WDR81: variants seen among roughly 807,000 people sequenced by gnomAD.
WDR81 encodes WD repeat domain 81.
WDR81 carries 92 observed loss-of-function variants against 140.8 expected under a neutral mutation model. The observed-to-expected ratio is 0.65, with a 90% CI of 0.55 to 0.78. WDR81 has a LOEUF of 0.78. Ranked by LOEUF, WDR81 falls within the 30% of genes least tolerant of loss-of-function variation. The probability of loss-of-function intolerance (pLI) is 0.00; values close to 1 mark genes in which losing one functional copy is unlikely to be tolerated. For synonymous variants in WDR81, 1,183 were observed against 1,156.4 expected, an observed-to-expected ratio of 1.02 and a Z score of -0.47; for missense variants, 2,502 against 2,636.4, an observed-to-expected ratio of 0.95 and a Z score of 1.12.
chr17:1,732,137 T>C (rs1253168105), intron 4 of WDR81, among the ~76,000 whole-genome samples, 188 bp from the exon 5 acceptor site: 1 of 152,086 alleles, frequency 6.6e-6, no homozygotes, highest in African/African-American at 2.4e-5. Context: ...CTCGGGAGAC[T>C]GAGGCAGGAG....
chr17:1,725,596 C>G lies in WDR81; in HGVS notation c.637C>G (p.Pro213Ala). Residue 213 changes from proline (P) to alanine (A), a missense_variant, in exon 1 of 10, where the codon CCT becomes GCT. Around this residue, in one of 3 missense-constraint regions of WDR81, gnomAD observed 547 missense variants for 513.8 expected, o/e 1.06. Transcript: ENST00000409644. ...REGPCPPRGS[P>A]ACPSLLRAEA... ...AGGCCCCTGCCCCCCTCGGGGCAGC[C>G]CTGCTTGCCCTAGTCTTTTACGGGC... 1 of 1,545,288 alleles carries G rather than the reference C, an allele frequency of 6.5e-7. No homozygotes were observed. The highest frequency in any genetic ancestry group is 8.7e-7 in the Non-Finnish European group (1 of 1,146,950).
Position 1,726,783 on chromosome 17 carries a change from G to T in WDR81, c.1824G>T (p.Leu608=), listed in dbSNP as rs1301505566. Residue 608 remains leucine, a synonymous_variant, in exon 1 of 10, where the codon CTG becomes CTT. Coordinates refer to ENST00000409644, the MANE Select transcript of WDR81 (RefSeq NM_001163809.2). ...LAPEPPLIPK[L]LVQTIQETTG... ...CCGAGCCTCCCCTCATCCCCAAGCT[G>T]TTGGTCCAGACCATCCAGGAGACCA... 1 of 1,548,768 alleles carries T rather than the reference G, an allele frequency of 6.5e-7. No individual in the cohort carries two copies. Among genetic ancestry groups the T allele is most frequent in the Non-Finnish European group, 8.7e-7 (1 of 1,146,786 alleles).
Position 1,731,215 on chromosome 17 carries a change from G to A in WDR81, c.4114G>A (p.Val1372Ile). The A allele has an allele frequency of 6.2e-7, 1 of 1,613,652 alleles. No homozygotes were observed. Among genetic ancestry groups the A allele is most frequent in the South Asian group, 1.1e-5 (1 of 91,078 alleles). Residue 1372 changes from valine (V) to isoleucine (I), a missense_variant, in exon 4 of 10, where the codon GTC becomes ATC. Physicochemically the swap from Val to Ile is conservative, Grantham distance 29. Coordinates refer to ENST00000409644, the MANE Select transcript of WDR81 (RefSeq NM_001163809.2). Reference protein sequence around the residue: ...MDILPRISHEVLLPVLSFLTS... With the variant: ...MDILPRISHEILLPVLSFLTS... ...CATCCTGCCCCGGATCAGCCATGAG[G>A]TCCTGCTGCCCGTGCTCAGCTTCCT...
intron 9 of WDR81, 114 bp downstream of exon 9, chr17:1,736,332 A>C: frequency 1.6e-6 from 2 of 1,276,962 alleles, no homozygotes; most frequent in Non-Finnish European, 2.1e-6. Flanking sequence ...TGTCTTATAT[A>C]CCTGGTCCAG....
intron 1 of WDR81, among the ~76,000 whole-genome samples, chr17:1,729,710 C>G (rs1915547797): frequency 6.6e-6 from 1 of 152,108 alleles, no homozygotes; most frequent in Admixed American, 6.5e-5. Context: ...CGCCTGTAAT[C>G]CCAGCACTTT....
upstream of WDR81, among the ~76,000 whole-genome samples, chr17:1,720,177 C>A (rs1471444253): frequency 6.6e-6 from 1 of 152,192 alleles, no homozygotes; most frequent in African/African-American, 2.4e-5. Flanking sequence ...TCAACATGGG[C>A]TGACTGGTGG....
chr17:1,731,636 T>G (rs1358645624), intron 4 of WDR81, among the ~76,000 whole-genome samples: 1 of 151,872 alleles, frequency 6.6e-6, no homozygotes, highest in Non-Finnish European at 1.5e-5. Context: ...GAGCGTGGTG[T>G]CTCACCCCTG....
At chr17:1,724,235 G>T (rs1329211218), upstream of WDR81, among the ~76,000 whole-genome samples, 2 of 152,192 alleles carry the variant, frequency 1.3e-5, no homozygotes, top group African/African-American at 4.8e-5. Flanking sequence ...GTGGTGGCGC[G>T]CTCCTGACGT....
rs776179523 is a variant in WDR81 at position 1,726,341 on chromosome 17, C to T, written c.1382C>T (p.Ser461Leu). The change falls in exon 1 of 10, where the codon TCG becomes TTG. Residue 461 changes from serine to leucine, a missense_variant. Ser to Leu is a moderately radical substitution (Grantham distance 145). This residue lies in a region of WDR81 where 218 missense variants were observed against 279.6 expected (regional missense o/e 0.78). Transcript: ENST00000409644. ...TACAAGGCTCGGCGCACGCCTCGGT[C>T]GGTGCTCTGCGGACACGTCCGCGCG... ...YVYKARRTPR[S>L]VLCGHVRAQW... 15 of 1,544,826 alleles carry T rather than the reference C, an allele frequency of 9.7e-6. No homozygotes were observed. The highest frequency in any genetic ancestry group is 4.1e-5 in the African/African-American group (3 of 72,970).
At position 1,727,004 on chromosome 17, in the gene WDR81, C is replaced by T. The variant is rs1277389092; in HGVS notation, c.2045C>T (p.Ser682Phe). ...AAAGCAGGTGACCAGCTGGGCTCCT[C>T]CAGTCAAGCGTCCCCTGGACTTCTC... ...AGKAGDQLGS[S>F]SQASPGLLSF... The change falls in exon 1 of 10, where the codon TCC becomes TTC. Residue 682 changes from serine to phenylalanine, a missense_variant. This residue lies in a region of WDR81 where 1,737 missense variants were observed against 1,843.0 expected (regional missense o/e 0.94). Transcript: ENST00000409644. 19 of 1,550,296 alleles carry T rather than the reference C, an allele frequency of 1.2e-5. No homozygotes were observed. The highest frequency in any genetic ancestry group is 1.7e-5 in the Non-Finnish European group (19 of 1,146,990).
Position 1,726,636 on chromosome 17 carries a change from C to G in WDR81, c.1677C>G (p.Val559=), listed in dbSNP as rs566298166. The change falls in exon 1 of 10, where the codon GTC becomes GTG. Residue 559 remains valine, a synonymous_variant. Transcript: ENST00000409644. ...ATAAACTCCAGGGTAAGGAGGCTGT[C>G]AAGGAAAAGAATGTGTGTCTGCACC... ...FGYKLQGKEA[V]KEKNVCLHLV... is the part of the protein sequence containing the mutation. 6.5e-7 allele frequency: 1 copy of G among 1,550,288 alleles called. No individual in the cohort carries two copies. The highest frequency in any genetic ancestry group is 1.2e-5 in the South Asian group (1 of 84,062).
At chr17:1,724,488 G>A, upstream of WDR81, 1 of 985,866 alleles carries the variant, frequency 1.0e-6, no homozygotes, top group Non-Finnish European at 1.2e-6. Context: ...GAGGGAGTAG[G>A]GAGGGGTGGG....
At position 1,735,744 on chromosome 17, in the gene WDR81, C is replaced by T. The variant is rs762363492; in HGVS notation, c.5325+27C>T. 5 of 1,588,840 alleles carry T rather than the reference C, an allele frequency of 3.1e-6. No homozygotes were observed. The Admixed American group carries it at 7.1e-5, about 23-fold the overall frequency. ...TCAGGGGGGTCCAGTTCCCTGAGCACTCGCCTGGTTCTCTGGGGACCTGGC... is the reference window on the plus strand; with the variant it reads ...TCAGGGGGGTCCAGTTCCCTGAGCATTCGCCTGGTTCTCTGGGGACCTGGC... On this transcript the variant is annotated intron_variant, in intron 8 of 9. Transcript: ENST00000409644. The surrounding 1 kb of genome is among the most constrained non-coding windows in gnomAD (Gnocchi z 4.2).
At chr17:1,736,554 C>T (rs1904885489) in intron 9 of WDR81, among the ~76,000 whole-genome samples, 1 of 152,178 alleles carries the variant, frequency 6.6e-6, no homozygotes, top group Admixed American at 6.5e-5. Flanking sequence ...GGGTCAGGCC[C>T]TGTCCGTGAC....
At chr17:1,730,153 G>A (rs1915587578) in intron 1 of WDR81, among the ~76,000 whole-genome samples, 3 of 152,164 alleles carry the variant, frequency 2.0e-5, no homozygotes, top group African/African-American at 7.2e-5. Flanking sequence ...AACTTCCTGC[G>A]GGTCGTGCCT....
intron 1 of WDR81, chr17:1,716,676 G>T: frequency 6.5e-7 from 1 of 1,549,982 alleles, no homozygotes; most frequent in African/African-American, 1.4e-5. Flanking sequence ...CCAGCCCGGG[G>T]AAGTCCTTAA....
upstream of WDR81, among the ~76,000 whole-genome samples, chr17:1,723,299 A>T (rs1567715712): frequency 6.6e-6 from 1 of 152,082 alleles, no homozygotes; most frequent in Non-Finnish European, 1.5e-5. Flanking sequence ...CCAATCTTCA[A>T]CAGGAAGTCT....
rs1280888380 is a variant in WDR81 at position 1,725,317 on chromosome 17, G to C, written c.358G>C (p.Gly120Arg). ...GAAGCGGAGACTGTCCTACCCTCTG[G>C]GCGGGGGCCTGCCCTTTGAGGACGG... ...LRKRRLSYPLGGGLPFEDGSC... is the reference protein window; with the variant it reads ...LRKRRLSYPLRGGLPFEDGSC... Residue 120 changes from glycine (G) to arginine (R), a missense_variant, in exon 1 of 10, where the codon GGC (glycine) becomes CGC (arginine). This residue lies in a region of WDR81 where 547 missense variants were observed against 513.8 expected (regional missense o/e 1.06). Transcript: ENST00000409644. The C allele has an allele frequency of 1.9e-6, 3 of 1,548,626 alleles. No homozygotes were observed. Among genetic ancestry groups the C allele is most frequent in the Non-Finnish European group, 2.6e-6 (3 of 1,146,976 alleles).
Position 1,732,823 on chromosome 17 carries a change from G to A in WDR81, c.4481G>A (p.Cys1494Tyr), listed in dbSNP as rs147426409. Residue 1494 changes from cysteine to tyrosine, a missense_variant, in exon 6 of 10, where the codon TGC (cysteine) becomes TAC (tyrosine). Coordinates refer to ENST00000409644, the MANE Select transcript of WDR81 (RefSeq NM_001163809.2). ...TACACAATCTACGTGCCCTTCTCCT[G>A]CCTGTTGGGTACTGCCCCATCACGT... ...MAYTIYVPFS[C>Y]LLGDIIRKII... 1.0e-4 allele frequency: 164 copies of A among 1,608,110 alleles called. No individual in the cohort carries two copies. The African/African-American group carries it at 1.9e-3, about 19-fold the overall frequency.
Sources: gnomAD v4.1 joint callset for allele counts (sites outside exome capture counted in the v4.1 genomes callset) on GRCh38, gnomAD v4.1.1 for gene constraint, gnomAD v4.1.1 regional missense constraint, Gnocchi (gnomAD v3.1) non-coding constraint, MANE v1.5 for transcripts, NCBI Gene and HGNC (gene_info 2026-07-23, HGNC 2026-07-21) for gene names.